CSMD1: variants seen among roughly 807,000 people sequenced by gnomAD.
The protein encoded by CSMD1 is CUB and Sushi multiple domains 1, also known as CUB and sushi domain-containing protein 1.
In CSMD1, 213 loss-of-function variants were observed where a neutral mutation model predicts 417.5. That is an observed-to-expected ratio of 0.51 (90% CI 0.46 to 0.57). The LOEUF is 0.57. Among genes scored for constraint, CSMD1 ranks in the 20% least tolerant of loss-of-function variants. CSMD1 has a pLI of 0.00. For missense variants in CSMD1, 6,923 were observed against 4,529.7 expected, an observed-to-expected ratio of 1.53 and a Z score of -15.17; for synonymous variants, 2,862 against 1,736.8, an observed-to-expected ratio of 1.65 and a Z score of -16.11.
chr8:3,069,100 T>C (rs1813151587), intron 49 of CSMD1, among the ~76,000 whole-genome samples: 1 of 152,156 alleles, frequency 6.6e-6, no homozygotes, highest in Non-Finnish European at 1.5e-5. Context: ...GATATAGGTA[T>C]TGGGCAAACT....
rs1386258335 is a variant in CSMD1 at position 3,396,197 on chromosome 8, C to T, written c.2590G>A (p.Glu864Lys). The change falls in exon 17 of 70, where the codon GAG becomes AAG. Residue 864 changes from glutamate (E) to lysine (K), a missense_variant. Transcript: ENST00000635120. ...RSSIGFLIHY[E>K]SVTLESDSCL... is the part of the protein sequence containing the mutation. ...GTCAAGGGAAGGTGCAACTCACTCT[C>T]ATAGTGGATGAGGAAGCCGATGCTG... 3.2e-6 allele frequency: 5 copies of T among 1,558,338 alleles called. No individual in the cohort carries two copies. The African/African-American group carries it at 5.4e-5, about 17-fold the overall frequency.
At chr8:4,593,910 T>G (rs1800121724) in intron 2 of CSMD1, among the ~76,000 whole-genome samples, 1 of 152,176 alleles carries the variant, frequency 6.6e-6, no homozygotes, top group African/African-American at 2.4e-5. Context: ...TCTCACAGTT[T>G]TGAGGGCCAG....
At chr8:4,613,332 A>C (rs191423637) in intron 2 of CSMD1, among the ~76,000 whole-genome samples, 8 of 152,308 alleles carry the variant, frequency 5.3e-5, no homozygotes, top group African/African-American at 1.9e-4. Flanking sequence ...GCAGGTGGCC[A>C]TGTCTACAGG....
intron 1 of CSMD1, among the ~76,000 whole-genome samples, chr8:4,990,507 G>T (rs1447280176): frequency 6.6e-6 from 1 of 152,150 alleles, no homozygotes; most frequent in Non-Finnish European, 1.5e-5. Context: ...GGGATTACAG[G>T]CATGCGCCAC....
At chr8:3,414,405 T>A (rs929425778) in intron 12 of CSMD1, among the ~76,000 whole-genome samples, 1 of 151,948 alleles carries the variant, frequency 6.6e-6, no homozygotes, top group Admixed American at 6.6e-5. Context: ...ACACAGAAAT[T>A]TTCTCTGTTG....
At chr8:3,869,379 T>C (rs879287899) in intron 5 of CSMD1, among the ~76,000 whole-genome samples, 1 of 152,210 alleles carries the variant, frequency 6.6e-6, no homozygotes, top group Non-Finnish European at 1.5e-5. Flanking sequence ...ACATAGAGAC[T>C]GATAGGTCTA....
Position 3,367,035 on chromosome 8 carries a change from A to T in CSMD1, c.3112T>A (p.Ser1038Thr). ...ACAGCAAACAAGACCAACATACCTG[A>T]AAATGTGATATTGAAGCCCTCGTAC... is the stretch of plus-strand genomic sequence containing the variant. ...ISYEGFNITF[S>T]EYDLEPCDDP... Residue 1038 changes from serine (S) to threonine (T), a missense_variant, in exon 20 of 70, where the codon TCA (serine) becomes ACA (threonine). Transcript: ENST00000635120. 2 of 1,612,020 alleles carry T rather than the reference A, an allele frequency of 1.2e-6. No individual in the cohort carries two copies. Among genetic ancestry groups the T allele is most frequent in the East Asian group, 4.5e-5 (2 of 44,826 alleles).
intron 1 of CSMD1, among the ~76,000 whole-genome samples, chr8:4,953,955 C>G (rs532643588): frequency 1.3e-5 from 2 of 152,102 alleles, no homozygotes; most frequent in African/African-American, 4.8e-5. Flanking sequence ...ACCTAATGCA[C>G]AGTAAAGTTA....
intron 1 of CSMD1, among the ~76,000 whole-genome samples, chr8:4,745,907 T>C (rs1025660122): frequency 2.0e-5 from 3 of 152,214 alleles, no homozygotes; most frequent in African/African-American, 4.8e-5. Flanking sequence ...TTCCGTGCAA[T>C]CAAGTCAGCT....
chr8:4,398,551 G>A (rs746426004), intron 3 of CSMD1, among the ~76,000 whole-genome samples: 1 of 151,692 alleles, frequency 6.6e-6, no homozygotes, highest in East Asian at 1.9e-4. Context: ...CCGCCACCAT[G>A]CCCGGCCAAA....
chr8:4,064,171 T>C (rs1241146284), intron 3 of CSMD1, among the ~76,000 whole-genome samples: 2 of 152,188 alleles, frequency 1.3e-5, no homozygotes, highest in African/African-American at 2.4e-5. Context: ...CTATGAAAAG[T>C]GCAAACTAAA....
chr8:3,280,689 T>A (rs1466095450), intron 26 of CSMD1, among the ~76,000 whole-genome samples: 1 of 148,344 alleles, frequency 6.7e-6, no homozygotes, highest in Non-Finnish European at 1.5e-5. Context: ...TTTCATATGA[T>A]TCAAACTAGT....
intron 1 of CSMD1, among the ~76,000 whole-genome samples, chr8:4,713,694 G>A (rs538779676): frequency 2.6e-5 from 4 of 152,260 alleles, no homozygotes; most frequent in South Asian, 2.1e-4. Context: ...CCAGCTGCTC[G>A]CCACTGCCTC....
intron 1 of CSMD1, among the ~76,000 whole-genome samples, chr8:4,816,336 C>T (rs926278029): frequency 1.3e-5 from 2 of 152,018 alleles, no homozygotes; most frequent in African/African-American, 2.4e-5. Flanking sequence ...AGGCAAGCAT[C>T]ACCACACCTG....
chr8:4,354,941 A>T (rs1584947448), intron 3 of CSMD1, among the ~76,000 whole-genome samples: 1 of 150,006 alleles, frequency 6.7e-6, no homozygotes, highest in East Asian at 2.0e-4. Context: ...GTTGAAAGAA[A>T]CCACCGAATT....
intron 6 of CSMD1, among the ~76,000 whole-genome samples, chr8:3,752,672 C>T (rs1797407403): frequency 2.6e-5 from 2 of 77,864 alleles, no homozygotes; most frequent in Non-Finnish European, 4.6e-5. Context: ...CACTCCCCGC[C>T]TGGCAAAAAA....
chr8:4,027,477 C>G (rs2688360), intron 4 of CSMD1, among the ~76,000 whole-genome samples: 129,626 of 152,104 alleles, frequency 0.85, 55,340 homozygotes, highest in East Asian at 0.94. Context: ...GGTGAGTTCT[C>G]ATGAGATATG....
At chr8:3,388,605 G>T (rs1274855489) in intron 17 of CSMD1, among the ~76,000 whole-genome samples, 1 of 152,154 alleles carries the variant, frequency 6.6e-6, no homozygotes, top group Admixed American at 6.5e-5. Flanking sequence ...TCTGATCATT[G>T]CATATGTTTT....
intron 2 of CSMD1, among the ~76,000 whole-genome samples, chr8:4,539,533 G>C (rs1161959760): frequency 1.3e-5 from 2 of 152,158 alleles, no homozygotes; most frequent in South Asian, 2.1e-4. Flanking sequence ...TACAGAATGA[G>C]TTAACATATT....
Sources: allele counts gnomAD v4.1 joint callset (sites outside exome capture counted in the v4.1 genomes callset), GRCh38; gene constraint gnomAD v4.1.1; transcripts MANE v1.5; gene names NCBI Gene and HGNC (gene_info 2026-07-23, HGNC 2026-07-21).